CPNE8: variants seen among roughly 807,000 people sequenced by gnomAD.
The protein encoded by CPNE8 is copine 8.
CPNE8 carries 45 observed loss-of-function variants against 81.5 expected under a neutral mutation model. The ratio of observed to expected loss-of-function variants is 0.55; its 90% CI spans 0.44 to 0.71. The LOEUF (loss-of-function observed/expected upper bound fraction) is 0.71, where lower values mean the gene tolerates loss of function less well. Ranked by LOEUF, CPNE8 falls within the 30% of genes least tolerant of loss-of-function variation. The pLI, the probability that CPNE8 is intolerant of heterozygous loss-of-function variation, is 0.00. For missense variants in CPNE8, 594 were observed against 672.1 expected, an observed-to-expected ratio of 0.88 and a Z score of 1.28; for synonymous variants, 252 against 226.3, an observed-to-expected ratio of 1.11 and a Z score of -1.02.
Position 38,703,886 on chromosome 12 carries a change from C to T in CPNE8, c.915-965G>A, listed in dbSNP as rs148648556. ...CACAAATATCTAGAATAAATCTAAC[C>T]GAGGGAGTGAAAATCTAACCATAGA... On this transcript the variant is annotated intron_variant, in intron 13 of 19. Transcript: ENST00000331366. Among the ~76,000 whole-genome samples, 577 of 151,994 alleles carry T rather than the reference C, an allele frequency of 3.8e-3. 6 individuals carry two copies. The highest frequency in any genetic ancestry group is 0.014 in the African/African-American group (565 of 41,478).
At chr12:38,709,350 C>G (rs1003005510) in intron 13 of CPNE8, among the ~76,000 whole-genome samples, 4 of 152,202 alleles carry the variant, frequency 2.6e-5, no homozygotes, top group African/African-American at 9.7e-5. Context: ...AACTTTATTG[C>G]ATCTTCAAAA....
chr12:38,654,977 T>C (rs1262443698), intron 19 of CPNE8, among the ~76,000 whole-genome samples: 1 of 152,176 alleles, frequency 6.6e-6, no homozygotes, highest in African/African-American at 2.4e-5. Context: ...AGCTGAAATA[T>C]TCAGTACATT....
At chr12:38,824,372 G>A (rs756795328) in intron 6 of CPNE8, among the ~76,000 whole-genome samples, 8 of 151,930 alleles carry the variant, frequency 5.3e-5, no homozygotes, top group Admixed American at 1.3e-4. Flanking sequence ...TCCTAACTTC[G>A]TTGTCAAAAG....
intron 14 of CPNE8, 21 bp downstream of exon 14, chr12:38,702,854 G>A (rs1939981248): frequency 1.4e-6 from 2 of 1,434,710 alleles, no homozygotes; most frequent in South Asian, 2.8e-5. Flanking sequence ...ATTTTTATCA[G>A]GGGATAATCA....
Position 38,685,518 on chromosome 12 carries a change from A to G in CPNE8, c.1243T>C (p.Phe415Leu), listed in dbSNP as rs1354876941. The G allele has an allele frequency of 3.1e-6, 5 of 1,613,312 alleles. No homozygotes were observed. The highest frequency in any genetic ancestry group is 1.3e-5 in the African/African-American group (1 of 74,882). Reference protein sequence around the residue: ...KSVQLYGPTNFAPVINHVARY... With the variant: ...KSVQLYGPTNLAPVINHVARY... Reference sequence around the variant, plus strand: ...GCTACATGATTAATTACAGGAGCAAAGTTGGTGGGCCCATATAGTTGTACA... The same window carrying G: ...GCTACATGATTAATTACAGGAGCAAGGTTGGTGGGCCCATATAGTTGTACA... Residue 415 changes from phenylalanine (F) to leucine (L), a missense_variant, in exon 16 of 20, where the codon TTT becomes CTT. Physicochemically the swap from Phe to Leu is conservative, Grantham distance 22. Coordinates refer to ENST00000331366, the MANE Select transcript of CPNE8 (RefSeq NM_153634.3).
At chr12:38,829,509 A>G (rs1943251417) in intron 5 of CPNE8, 54 bp from the exon 6 acceptor site, 1 of 1,270,520 alleles carries the variant, frequency 7.9e-7, no homozygotes, top group Non-Finnish European at 1.1e-6. Flanking sequence ...TCTTTACAGT[A>G]TATGTTTTGT....
At chr12:38,732,444 C>G (rs947194322) in intron 10 of CPNE8, among the ~76,000 whole-genome samples, 1 of 151,912 alleles carries the variant, frequency 6.6e-6, no homozygotes, top group African/African-American at 2.4e-5. Flanking sequence ...ATATTTGGTT[C>G]TCTTTTGTTC....
chr12:38,697,802 C>T (rs1243649990), intron 14 of CPNE8, among the ~76,000 whole-genome samples: 1 of 152,030 alleles, frequency 6.6e-6, no homozygotes, highest in African/African-American at 2.4e-5. Flanking sequence ...CATGGTACCT[C>T]CTCCTCTCTC....
intron 5 of CPNE8, among the ~76,000 whole-genome samples, chr12:38,837,052 A>T (rs1943393386): frequency 6.6e-6 from 1 of 152,178 alleles, no homozygotes; most frequent in Non-Finnish European, 1.5e-5. Flanking sequence ...ACAAATATAA[A>T]GGATAGCTTA....
At chr12:38,880,681 A>G (rs1944139951) in intron 1 of CPNE8, among the ~76,000 whole-genome samples, 1 of 152,128 alleles carries the variant, frequency 6.6e-6, no homozygotes, top group African/African-American at 2.4e-5. Context: ...AATTTTTTTT[A>G]TGAAGACAAG....
intron 4 of CPNE8, among the ~76,000 whole-genome samples, chr12:38,840,776 T>G (rs1319696424): frequency 9.9e-5 from 15 of 152,184 alleles, no homozygotes; most frequent in Admixed American, 9.8e-4. Context: ...CAGTTGGTAC[T>G]GGAAATTAAT....
At position 38,653,680 on chromosome 12, in the gene CPNE8, A is replaced by ATT; in HGVS notation, c.*200_*201dup. 3 of 587,634 alleles carry ATT rather than the reference A, an allele frequency of 5.1e-6. No individual in the cohort carries two copies. The highest frequency in any genetic ancestry group is 5.6e-5 in the South Asian group (1 of 17,872). 36.4% of individuals were successfully genotyped at this position (587,634 alleles called of 1,614,324 possible). On this transcript the variant is annotated 3_prime_UTR_variant, in exon 20 of 20. Coordinates refer to ENST00000331366, the MANE Select transcript of CPNE8 (RefSeq NM_153634.3). The stretch of plus-strand genomic sequence containing the variant: ...ATACTTTGCTTCAAGCATTTAAACA[A>ATT]TTTTTTCTGTTGCTCATGCAACAAC...
chr12:38,871,523 G>A (rs1257539921), intron 3 of CPNE8, among the ~76,000 whole-genome samples: 1 of 152,138 alleles, frequency 6.6e-6, no homozygotes, highest in African/African-American at 2.4e-5. Flanking sequence ...GGGATGATTA[G>A]ACAGATGAAC....
chr12:38,730,546 G>T (rs1940808222), intron 10 of CPNE8, among the ~76,000 whole-genome samples, 188 bp from the exon 11 acceptor site: 1 of 151,538 alleles, frequency 6.6e-6, no homozygotes, highest in African/African-American at 2.4e-5. Context: ...CTAAAATTAT[G>T]TATGCCGGAC....
chr12:38,735,291 A>T (rs1940927520), intron 10 of CPNE8, among the ~76,000 whole-genome samples: 1 of 152,046 alleles, frequency 6.6e-6, no homozygotes. Context: ...TGTAGTTATG[A>T]TGACCCTAAT....
chr12:38,705,447 A>G (rs1940080621), intron 13 of CPNE8, among the ~76,000 whole-genome samples: 1 of 152,204 alleles, frequency 6.6e-6, no homozygotes, highest in African/African-American at 2.4e-5. Context: ...AAAAACTAGT[A>G]TAGATTCCCT....
chr12:38,793,361 G>C (rs1346629883), intron 6 of CPNE8, among the ~76,000 whole-genome samples: 3 of 149,792 alleles, frequency 2.0e-5, no homozygotes, highest in African/African-American at 4.9e-5. Context: ...CACACTGTTA[G>C]AACTAATAAA....
At chr12:38,750,273 G>A (rs1412109595) in intron 10 of CPNE8, among the ~76,000 whole-genome samples, 1 of 152,230 alleles carries the variant, frequency 6.6e-6, no homozygotes, top group Non-Finnish European at 1.5e-5. Context: ...GAAGAAGTTT[G>A]CTGCAGGGGC....
At chr12:38,805,654 A>C (rs1450775519) in intron 6 of CPNE8, among the ~76,000 whole-genome samples, 3 of 68,280 alleles carry the variant, frequency 4.4e-5, no homozygotes, top group Non-Finnish European at 9.2e-5. Flanking sequence ...TAAAACTTAG[A>C]GTATAATAAA....
Sources: allele counts gnomAD v4.1 joint callset (sites outside exome capture counted in the v4.1 genomes callset), GRCh38; gene constraint gnomAD v4.1.1; transcripts MANE v1.5; gene names NCBI Gene and HGNC (gene_info 2026-07-23, HGNC 2026-07-21).